The following FSTL4 variants were observed in gnomAD, a reference collection of about 807,000 sequenced individuals.
FSTL4 encodes the protein follistatin-related protein 4.
FSTL4 carries 28 observed loss-of-function variants against 78.2 expected under a neutral mutation model. The ratio of observed to expected loss-of-function variants is 0.36; its 90% CI spans 0.27 to 0.49. The LOEUF is 0.49. FSTL4 is among the 20% of genes least tolerant of loss of function. The pLI is 0.98. For missense variants in FSTL4, 922 were observed against 1,084.9 expected (o/e 0.85, Z 2.11); for synonymous variants, 422 against 440.5 (o/e 0.96, Z 0.53).
intron 1 of FSTL4, among the ~76,000 whole-genome samples, chr5:133,609,343 T>C (rs146876023): frequency 1.3e-5 from 2 of 152,242 alleles, no homozygotes; most frequent in Admixed American, 1.3e-4. Context: ...AAAAATCAAC[T>C]GGGATTCTGG....
chr5:133,833,442 A>G, the FSTL4 span, among the ~76,000 whole-genome samples: 2 of 152,252 alleles, frequency 1.3e-5, no homozygotes, highest in African/African-American at 4.8e-5. Flanking sequence ...TCGTTAAAGC[A>G]GATCCTGAAT....
intron 3 of FSTL4, among the ~76,000 whole-genome samples, chr5:133,503,131 C>T (rs140171551): frequency 1.3e-4 from 20 of 152,172 alleles, no homozygotes; most frequent in South Asian, 6.2e-4. Flanking sequence ...TGGTAATTTA[C>T]GACAAAATTA....
chr5:133,224,320 T>C (rs944170684), intron 10 of FSTL4, 104 bp from the exon 11 acceptor site: 47 of 811,828 alleles, frequency 5.8e-5, no homozygotes, highest in Admixed American at 1.7e-4. Flanking sequence ...ATGAAGATCC[T>C]GGTACCTAGT....
the FSTL4 span, among the ~76,000 whole-genome samples, chr5:133,768,600 C>T: frequency 6.6e-6 from 1 of 152,170 alleles, no homozygotes; most frequent in East Asian, 1.9e-4. Context: ...AAAAACATCA[C>T]CTGCCATTGC....
chr5:133,510,996 G>A (rs76549607), intron 3 of FSTL4, among the ~76,000 whole-genome samples: 1 of 152,310 alleles, frequency 6.6e-6, no homozygotes, highest in Non-Finnish European at 1.5e-5. Context: ...TGTAGCAACT[G>A]ATGTTTCTCT....
Position 133,236,871 on chromosome 5 carries a change from C to T in FSTL4, c.895-3334G>A, listed in dbSNP as rs1751679670. On this transcript the variant is annotated intron_variant, in intron 7 of 15. Transcript: ENST00000265342. The surrounding 1 kb of genome is among the most constrained non-coding windows in gnomAD (Gnocchi z 5.0). ...CTCCTGTGGACGCACTGCTGTGCCG[C>T]CTGCTGCTTTCTGTACTTACCTTGT... Among the ~76,000 whole-genome samples, 1 of 152,238 alleles carries T rather than the reference C, an allele frequency of 6.6e-6. No homozygotes were observed. Among genetic ancestry groups the T allele is most frequent in the African/African-American group, 2.4e-5 (1 of 41,464 alleles).
chr5:133,747,751 T>G, the FSTL4 span, among the ~76,000 whole-genome samples: 1 of 152,196 alleles, frequency 6.6e-6, no homozygotes, highest in Non-Finnish European at 1.5e-5. Context: ...CTTGGTTGTC[T>G]CCTCCCTCTT....
chr5:133,793,583 G>A, the FSTL4 span, among the ~76,000 whole-genome samples: 3 of 152,266 alleles, frequency 2.0e-5, no homozygotes, highest in East Asian at 1.9e-4. Flanking sequence ...TCAGGAGTTC[G>A]TGTTTTTCAG....
chr5:133,333,815 G>A (rs1031632992), intron 4 of FSTL4, among the ~76,000 whole-genome samples: 3 of 152,232 alleles, frequency 2.0e-5, no homozygotes, highest in African/African-American at 7.2e-5. Context: ...GAGACTGAAG[G>A]GAAAGGAAAT....
At chr5:133,610,440 G>T (rs1761066227) in intron 1 of FSTL4, among the ~76,000 whole-genome samples, 1 of 152,216 alleles carries the variant, frequency 6.6e-6, no homozygotes, top group Admixed American at 6.5e-5. Context: ...GGAGAGGGTG[G>T]TGCCTTTTTT....
intron 3 of FSTL4, among the ~76,000 whole-genome samples, chr5:133,475,243 T>C (rs246959): frequency 0.2 from 30,264 of 152,158 alleles, 4,504 homozygotes; most frequent in African/African-American, 0.42. Context: ...TAACTACCAA[T>C]AGGTGGGAGA....
At chr5:133,288,700 T>C (rs1343344106) in intron 6 of FSTL4, among the ~76,000 whole-genome samples, 2 of 152,082 alleles carry the variant, frequency 1.3e-5, no homozygotes, top group Non-Finnish European at 2.9e-5. Context: ...TCCTGGAAAG[T>C]GAAGGTAGAC....
intron 3 of FSTL4, among the ~76,000 whole-genome samples, chr5:133,487,286 T>C (rs1758157068): frequency 6.6e-6 from 1 of 152,140 alleles, no homozygotes; most frequent in African/African-American, 2.4e-5. Context: ...GGTGACTGGG[T>C]TCAGGATGAT....
intron 3 of FSTL4, among the ~76,000 whole-genome samples, chr5:133,476,261 C>T (rs549140960): frequency 6.6e-6 from 1 of 152,260 alleles, no homozygotes; most frequent in Non-Finnish European, 1.5e-5. Context: ...AGCTCAGTTA[C>T]AAAAAGATGA....
the FSTL4 span, among the ~76,000 whole-genome samples, chr5:133,746,593 G>A: frequency 6.6e-6 from 1 of 152,014 alleles, no homozygotes; most frequent in Middle Eastern, 3.4e-3. Context: ...ATAATTTCTG[G>A]CTCAGAAAGC....
At chr5:133,752,050 A>ACACTGGAGATGCTGTC in the FSTL4 span, among the ~76,000 whole-genome samples, 3 of 152,202 alleles carry the variant, frequency 2.0e-5, no homozygotes, top group Admixed American at 2.0e-4. Context: ...CCTTCCAGGC[A>ACACTGGAGATGCTGTC]CACTGGAGAT....
At chr5:133,762,624 CCT>C in the FSTL4 span, among the ~76,000 whole-genome samples, 1 of 152,182 alleles carries the variant, frequency 6.6e-6, no homozygotes, top group African/African-American at 2.4e-5. Flanking sequence ...TCCTTGTAAT[CCT>C]CTCTGCTCTG....
chr5:133,526,584 C>T (rs547303714), intron 3 of FSTL4, among the ~76,000 whole-genome samples: 29 of 152,214 alleles, frequency 1.9e-4, no homozygotes, highest in African/African-American at 5.5e-4. Context: ...TAGATCTCCA[C>T]GTGGATTAGC....
intron 14 of FSTL4, 35 bp downstream of exon 14, chr5:133,210,156 G>T: frequency 1.9e-6 from 2 of 1,063,122 alleles, no homozygotes; most frequent in Non-Finnish European, 2.9e-6. Context: ...TCTCTCAGTG[G>T]AGTGTGGGTA....
Sources: gnomAD v4.1 joint callset for allele counts (sites outside exome capture counted in the v4.1 genomes callset) on GRCh38, gnomAD v4.1.1 for gene constraint, Gnocchi (gnomAD v3.1) non-coding constraint, MANE v1.5 for transcripts, NCBI Gene and HGNC (gene_info 2026-07-23, HGNC 2026-07-21) for gene names.